Variants in GRID2 observed in about 807,000 individuals in gnomAD.
The protein encoded by GRID2 is glutamate receptor ionotropic, delta-2.
GRID2 carries 33 observed loss-of-function variants against 114.8 expected under a neutral mutation model. The observed-to-expected ratio is 0.29, with a 90% CI of 0.22 to 0.38. GRID2 has a LOEUF of 0.38. GRID2 is among the 10% of genes least tolerant of loss of function. The pLI, the probability that GRID2 is intolerant of heterozygous loss-of-function variation, is 1.00. For missense variants in GRID2, 1,184 were observed against 1,257.7 expected, an observed-to-expected ratio of 0.94 and a Z score of 0.89; for synonymous variants, 505 against 449.9, an observed-to-expected ratio of 1.12 and a Z score of -1.55.
chr4:93,061,741 G>A (rs1727826968), intron 2 of GRID2, among the ~76,000 whole-genome samples: 1 of 152,104 alleles, frequency 6.6e-6, no homozygotes, highest in South Asian at 2.1e-4. Flanking sequence ...GCTACCAAAA[G>A]TATCTTTTTC....
At chr4:93,225,204 T>C (rs1344767130) in intron 7 of GRID2, among the ~76,000 whole-genome samples, 1 of 152,248 alleles carries the variant, frequency 6.6e-6, no homozygotes, top group African/African-American at 2.4e-5. Flanking sequence ...TATCTCATGA[T>C]AAGGATAGGA....
At chr4:92,606,384 C>T (rs1342923038) in intron 2 of GRID2, among the ~76,000 whole-genome samples, 2 of 152,002 alleles carry the variant, frequency 1.3e-5, no homozygotes, top group African/African-American at 4.8e-5. Context: ...CTTATTACAC[C>T]TGGAACCTTT....
chr4:92,434,895 T>C (rs931236808), intron 1 of GRID2, among the ~76,000 whole-genome samples: 6 of 152,044 alleles, frequency 3.9e-5, no homozygotes, highest in Admixed American at 2.6e-4. Flanking sequence ...CTGTAGAAAA[T>C]TCGAATATTT....
At chr4:92,850,332 A>G (rs1414313127) in intron 2 of GRID2, among the ~76,000 whole-genome samples, 1 of 151,866 alleles carries the variant, frequency 6.6e-6, no homozygotes, top group Non-Finnish European at 1.5e-5. Context: ...TATTCTTATA[A>G]AAATATGCAT....
intron 2 of GRID2, among the ~76,000 whole-genome samples, chr4:92,600,621 A>G (rs1420748326): frequency 6.6e-6 from 1 of 152,018 alleles, no homozygotes; most frequent in Non-Finnish European, 1.5e-5. Context: ...TTTTTCTTTT[A>G]AAGTCAGGCC....
chr4:92,827,808 G>GT (rs1444769632), intron 2 of GRID2, among the ~76,000 whole-genome samples: 1 of 152,024 alleles, frequency 6.6e-6, no homozygotes, highest in African/African-American at 2.4e-5. Flanking sequence ...GCTATTTTAT[G>GT]TTTCAAATTA....
At chr4:92,879,423 A>C (rs1344150920) in intron 2 of GRID2, among the ~76,000 whole-genome samples, 1 of 152,220 alleles carries the variant, frequency 6.6e-6, no homozygotes, top group Non-Finnish European at 1.5e-5. Flanking sequence ...CCCACAATAA[A>C]CATTAGCCCT....
intron 1 of GRID2, among the ~76,000 whole-genome samples, chr4:92,532,438 C>T (rs576456973): frequency 1.6e-4 from 25 of 152,242 alleles, no homozygotes; most frequent in Non-Finnish European, 2.1e-4. Flanking sequence ...TACTAAGCAA[C>T]ACAACAACAC....
At chr4:93,028,398 G>A (rs962612709) in intron 2 of GRID2, among the ~76,000 whole-genome samples, 7 of 151,968 alleles carry the variant, frequency 4.6e-5, no homozygotes, top group Non-Finnish European at 7.4e-5. Context: ...CAAAACCAAC[G>A]CTGCTTGGGA....
chr4:93,638,171 A>C (rs1276546979), intron 14 of GRID2, among the ~76,000 whole-genome samples: 1 of 152,086 alleles, frequency 6.6e-6, no homozygotes, highest in Non-Finnish European at 1.5e-5. Context: ...TTTCATAATA[A>C]TCCATTCTGC....
At chr4:93,482,970 CACTT>C (rs1178582450) in intron 11 of GRID2, among the ~76,000 whole-genome samples, 1 of 151,982 alleles carries the variant, frequency 6.6e-6, no homozygotes, top group Non-Finnish European at 1.5e-5. Context: ...AAAAATAAAA[CACTT>C]ACAGATCTGG....
At chr4:93,232,491 G>T (rs567144887) in intron 7 of GRID2, among the ~76,000 whole-genome samples, 4 of 150,132 alleles carry the variant, frequency 2.7e-5, no homozygotes, top group Non-Finnish European at 4.4e-5. Context: ...TATATGTTGA[G>T]CCCAACATAT....
intron 1 of GRID2, among the ~76,000 whole-genome samples, chr4:92,531,102 A>G (rs1421682309): frequency 2.0e-5 from 3 of 152,066 alleles, no homozygotes; most frequent in Non-Finnish European, 2.9e-5. Flanking sequence ...TCAAACAAAA[A>G]TAAAATAAAA....
At chr4:92,591,935 C>A (rs1728722728) in intron 2 of GRID2, among the ~76,000 whole-genome samples, 1 of 151,804 alleles carries the variant, frequency 6.6e-6, no homozygotes, top group Admixed American at 6.6e-5. Context: ...AATAACCATT[C>A]AGTTATTTAC....
intron 2 of GRID2, among the ~76,000 whole-genome samples, chr4:93,038,486 G>A (rs746844757): frequency 7.9e-5 from 12 of 151,998 alleles, no homozygotes; most frequent in East Asian, 3.9e-4. Flanking sequence ...TTAGAATGGC[G>A]ATTATTAAAA....
chr4:92,778,754 A>T (rs1392154663), intron 2 of GRID2, among the ~76,000 whole-genome samples: 1 of 152,136 alleles, frequency 6.6e-6, no homozygotes, highest in Non-Finnish European at 1.5e-5. Context: ...AGAACTAAGA[A>T]TTATGGTCAG....
intron 14 of GRID2, among the ~76,000 whole-genome samples, chr4:93,627,603 T>C (rs1742842162): frequency 6.6e-6 from 1 of 152,238 alleles, no homozygotes; most frequent in East Asian, 1.9e-4. Flanking sequence ...TGTGTTATGC[T>C]TCAAGCTGTG....
intron 1 of GRID2, among the ~76,000 whole-genome samples, chr4:92,336,107 C>T (rs747177915): frequency 6.6e-5 from 10 of 152,152 alleles, no homozygotes; most frequent in Non-Finnish European, 1.0e-4. Context: ...TATACAAGTA[C>T]ATATGTGCAT....
chr4:92,931,268 A>G (rs1178997845), intron 2 of GRID2, among the ~76,000 whole-genome samples: 2 of 151,038 alleles, frequency 1.3e-5, no homozygotes, highest in Admixed American at 1.3e-4. Context: ...GGCATTAAAA[A>G]AAAGCCTGAC....
Sources: gnomAD v4.1 joint callset for allele counts (sites outside exome capture counted in the v4.1 genomes callset) on GRCh38, gnomAD v4.1.1 for gene constraint, MANE v1.5 for transcripts, NCBI Gene and HGNC (gene_info 2026-07-23, HGNC 2026-07-21) for gene names.